Variants in GALNT13 observed in about 807,000 individuals in gnomAD.
The protein encoded by GALNT13 is UDP-GalNAc:polypeptide N-acetylgalactosaminyltransferase 13.
A neutral mutation model predicts 64.2 loss-of-function variants in GALNT13; 28 were observed. The ratio of observed to expected loss-of-function variants is 0.44; its 90% CI spans 0.32 to 0.60. GALNT13 has a LOEUF of 0.60. Ranked by LOEUF, GALNT13 falls within the 20% of genes least tolerant of loss-of-function variation. The probability of loss-of-function intolerance (pLI) is 0.05; values close to 1 mark genes in which losing one functional copy is unlikely to be tolerated. For missense variants in GALNT13, 577 were observed against 669.8 expected (o/e 0.86, Z 1.53); for synonymous variants, 214 against 224.6 (o/e 0.95, Z 0.42).
chr2:154,137,596 TGTG>T (rs1199787644), intron 3 of GALNT13, among the ~76,000 whole-genome samples: 1 of 152,158 alleles, frequency 6.6e-6, no homozygotes, highest in African/African-American at 2.4e-5. Context: ...ACTTACATAA[TGTG>T]AAAATAAAAC....
the GALNT13 span, among the ~76,000 whole-genome samples, chr2:153,732,578 A>G: frequency 6.6e-6 from 1 of 152,036 alleles, no homozygotes; most frequent in Non-Finnish European, 1.5e-5. Context: ...CGGCTGAATC[A>G]AGGTCAAGAC....
At chr2:153,979,228 A>G (rs1694289239) in intron 3 of GALNT13, among the ~76,000 whole-genome samples, 2 of 152,138 alleles carry the variant, frequency 1.3e-5, no homozygotes, top group Admixed American at 6.6e-5. Context: ...CCCCAAATCA[A>G]TAGTGTTGTA....
At chr2:154,077,464 A>G (rs1701047337) in intron 3 of GALNT13, among the ~76,000 whole-genome samples, 1 of 151,594 alleles carries the variant, frequency 6.6e-6, no homozygotes. Flanking sequence ...GACACAAAAA[A>G]TTATTCCATA....
the GALNT13 span, among the ~76,000 whole-genome samples, chr2:153,277,927 C>CTTTTTTCTTTTTTTTT: frequency 1.2e-5 from 1 of 80,112 alleles, no homozygotes; most frequent in Admixed American, 2.0e-4. Context: ...TCTTTTCTTT[C>CTTTTTTCTTTTTTTTT]TTTTTTTTTT....
chr2:153,481,566 G>A, the GALNT13 span, among the ~76,000 whole-genome samples: 1 of 152,096 alleles, frequency 6.6e-6, no homozygotes, highest in Non-Finnish European at 1.5e-5. Flanking sequence ...ACTAACTGCT[G>A]TATTTATTTA....
intron 3 of GALNT13, among the ~76,000 whole-genome samples, chr2:153,946,973 A>AT (rs143454569): frequency 0.07 from 10,644 of 152,038 alleles, 439 homozygotes; most frequent in Middle Eastern, 0.13. Context: ...AAATTTTCAC[A>AT]TTTTAGGTCT....
intron 9 of GALNT13, among the ~76,000 whole-genome samples, chr2:154,327,104 T>C (rs1345801148): frequency 1.3e-4 from 20 of 152,024 alleles, no homozygotes; most frequent in Admixed American, 1.3e-3. Context: ...GTTTCCCCCA[T>C]GCTGTTCTCA....
chr2:154,142,549 C>CAAAAAAAA (rs71396392), intron 4 of GALNT13, among the ~76,000 whole-genome samples: 3 of 66,482 alleles, frequency 4.5e-5, no homozygotes, highest in Admixed American at 2.0e-4. Context: ...AACTCTGTCT[C>CAAAAAAAA]AAAAAAAAAA....
chr2:153,879,653 A>ATG (rs1246039748), intron 1 of GALNT13, among the ~76,000 whole-genome samples: 1 of 152,016 alleles, frequency 6.6e-6, no homozygotes, highest in Admixed American at 6.6e-5. Context: ...GATTACAGGC[A>ATG]TGAGCCACTG....
chr2:153,509,857 T>C, the GALNT13 span, among the ~76,000 whole-genome samples: 1 of 152,244 alleles, frequency 6.6e-6, no homozygotes. Flanking sequence ...TAGTTTCATT[T>C]CATTAATTGG....
the GALNT13 span, among the ~76,000 whole-genome samples, chr2:153,681,926 C>T: frequency 9.2e-5 from 14 of 151,804 alleles, no homozygotes; most frequent in Admixed American, 5.9e-4. Flanking sequence ...TACTCAGTTT[C>T]GGGAGATTAT....
the GALNT13 span, among the ~76,000 whole-genome samples, chr2:153,286,559 A>G: frequency 6.6e-6 from 1 of 152,198 alleles, no homozygotes; most frequent in Non-Finnish European, 1.5e-5. Flanking sequence ...TTAAATGCTA[A>G]CATATCTTGC....
chr2:153,578,403 A>G, the GALNT13 span, among the ~76,000 whole-genome samples: 12 of 152,218 alleles, frequency 7.9e-5, no homozygotes, highest in African/African-American at 2.4e-4. Flanking sequence ...AGTTTTTATC[A>G]TTAGGCCATG....
chr2:153,476,789 G>C, the GALNT13 span, among the ~76,000 whole-genome samples: 1 of 152,138 alleles, frequency 6.6e-6, no homozygotes, highest in Non-Finnish European at 1.5e-5. Flanking sequence ...AGTAACAATG[G>C]TTTACCCTAG....
intron 4 of GALNT13, among the ~76,000 whole-genome samples, chr2:154,152,326 G>C (rs930514143): frequency 4.1e-4 from 62 of 152,128 alleles, no homozygotes; most frequent in African/African-American, 7.7e-4. Flanking sequence ...GCTTCCCTTT[G>C]TGGGTAACCC....
chr2:153,184,465 T>C, the GALNT13 span, among the ~76,000 whole-genome samples: 1 of 152,238 alleles, frequency 6.6e-6, no homozygotes, highest in Middle Eastern at 3.2e-3. Flanking sequence ...GCTTCATTTC[T>C]TTCTCTTGCC....
chr2:154,130,830 G>A (rs13429926), intron 3 of GALNT13, among the ~76,000 whole-genome samples: 7,650 of 152,150 alleles, frequency 0.05, 376 homozygotes, highest in African/African-American at 0.13. Flanking sequence ...TTCTATCTGC[G>A]GAATAACTCA....
chr2:153,258,400 A>AAAACAAAACC, the GALNT13 span, among the ~76,000 whole-genome samples: 4 of 151,508 alleles, frequency 2.6e-5, no homozygotes, highest in Non-Finnish European at 5.9e-5. Flanking sequence ...AAAACAAAAC[A>AAAACAAAACC]AAACCCAACT....
intron 3 of GALNT13, among the ~76,000 whole-genome samples, chr2:154,100,947 A>G (rs1025842312): frequency 6.7e-6 from 1 of 150,082 alleles, no homozygotes; most frequent in Non-Finnish European, 1.5e-5. Flanking sequence ...GATTTTTTTT[A>G]TATCTATTGA....
Sources: allele counts gnomAD v4.1 joint callset (sites outside exome capture counted in the v4.1 genomes callset), GRCh38; gene constraint gnomAD v4.1.1; transcripts MANE v1.5; gene names NCBI Gene and HGNC (gene_info 2026-07-23, HGNC 2026-07-21).